Variants in TRIP12 observed in about 807,000 individuals in gnomAD.
The protein encoded by TRIP12 is E3 ubiquitin-protein ligase TRIP12.
Under a neutral mutation model 244.2 loss-of-function variants are expected in TRIP12, and 25 were observed. That is an observed-to-expected ratio of 0.10 (90% CI 0.07 to 0.14). The LOEUF is 0.14. Among genes scored for constraint, TRIP12 ranks in the 10% least tolerant of loss-of-function variants. The pLI is 1.00. For missense variants in TRIP12, 1,677 were observed against 2,486.4 expected (o/e 0.67, Z 6.92); for synonymous variants, 905 against 873.1 (o/e 1.04, Z -0.64).
intron 24 of TRIP12, 81 bp downstream of exon 24, chr2:229,797,609 A>G (rs954386419): frequency 1.2e-5 from 18 of 1,539,378 alleles, no homozygotes; most frequent in African/African-American, 4.1e-5. Context: ...ATAGGAAGCT[A>G]GAGAGTCATG....
chr2:229,800,317 A>G (rs2043945477), intron 21 of TRIP12, among the ~76,000 whole-genome samples: 2 of 152,220 alleles, frequency 1.3e-5, no homozygotes, highest in African/African-American at 4.8e-5. Context: ...TTGCAAAATT[A>G]AACACCTGTA....
intron 1 of TRIP12, among the ~76,000 whole-genome samples, chr2:229,899,036 T>C (rs2069796163): frequency 1.3e-5 from 2 of 152,222 alleles, no homozygotes; most frequent in Admixed American, 6.5e-5. Context: ...AAATGGTATA[T>C]TTTCTTTTCC....
At chr2:229,839,367 G>A (rs751562631) in intron 5 of TRIP12, among the ~76,000 whole-genome samples, 1 of 152,068 alleles carries the variant, frequency 6.6e-6, no homozygotes, top group African/African-American at 2.4e-5. Context: ...ATCTCAGAAC[G>A]TGTCCTCCTC....
At chr2:229,801,103 G>A (rs1415791053) in intron 21 of TRIP12, among the ~76,000 whole-genome samples, 1 of 152,166 alleles carries the variant, frequency 6.6e-6, no homozygotes, top group Non-Finnish European at 1.5e-5. Context: ...ATGGGGCTGG[G>A]AAGGAAGTAA....
intron 1 of TRIP12, among the ~76,000 whole-genome samples, chr2:229,920,773 G>C (rs370838618): frequency 6.6e-6 from 1 of 152,080 alleles, no homozygotes; most frequent in Non-Finnish European, 1.5e-5. Context: ...GGAAATGAAG[G>C]ATTTCTTATT....
intron 24 of TRIP12, 70 bp from the exon 25 acceptor site, chr2:229,796,852 C>G: frequency 7.3e-7 from 1 of 1,362,754 alleles, no homozygotes; most frequent in Admixed American, 2.6e-5. Context: ...ACTCACATAT[C>G]CTCAAAAGGA....
chr2:229,785,064 C>A (rs1187042387), intron 34 of TRIP12, among the ~76,000 whole-genome samples: 1 of 152,186 alleles, frequency 6.6e-6, no homozygotes, highest in Non-Finnish European at 1.5e-5. Flanking sequence ...TACTTTGGTG[C>A]ACCCATATAA....
chr2:229,787,212 T>C (rs1559395465), intron 33 of TRIP12, among the ~76,000 whole-genome samples: 2 of 152,108 alleles, frequency 1.3e-5, no homozygotes, highest in African/African-American at 2.4e-5. Context: ...ATGAAAAAAG[T>C]TTCAGTGAGA....
intron 29 of TRIP12, 123 bp from the exon 30 acceptor site, chr2:229,791,374 C>A: frequency 8.7e-7 from 1 of 1,144,470 alleles, no homozygotes; most frequent in Non-Finnish European, 1.2e-6. Flanking sequence ...CCTCTCTCTC[C>A]CTAGTGTGAA....
intron 39 of TRIP12, among the ~76,000 whole-genome samples, chr2:229,769,549 G>A (rs571277477): frequency 1.3e-5 from 2 of 152,078 alleles, no homozygotes; most frequent in East Asian, 3.9e-4. Flanking sequence ...CCCATCTGCA[G>A]GGACTTGGTT....
At position 229,771,586 on chromosome 2, in the gene TRIP12, T is replaced by A; in HGVS notation, c.5741A>T (p.Asp1914Val). ...TGATTCAAATCCATCTCTGAACGAA[T>A]CAAATTGCCTAGAAACGCCTTCATT... ...ALNEGVSRQF[D>V]SFRDGFESVF... Residue 1914 changes from aspartate (D) to valine (V), a missense_variant, in exon 39 of 42, where the codon GAT becomes GTT. By Grantham distance (152) the Asp-to-Val change is radical (BLOSUM62 -3). This residue lies in a region of TRIP12 where 171 missense variants were observed against 388.4 expected (regional missense o/e 0.44). Transcript: ENST00000675903. 1 of 1,614,042 alleles carries A rather than the reference T, an allele frequency of 6.2e-7. No individual in the cohort carries two copies. Among genetic ancestry groups the A allele is most frequent in the Non-Finnish European group, 8.5e-7 (1 of 1,179,960 alleles).
chr2:229,834,804 C>T (rs1292275276), intron 6 of TRIP12, among the ~76,000 whole-genome samples: 3 of 151,964 alleles, frequency 2.0e-5, no homozygotes, highest in African/African-American at 4.8e-5. Context: ...GCCTCTGACT[C>T]GTGGGAAAGC....
intron 4 of TRIP12, among the ~76,000 whole-genome samples, chr2:229,841,852 C>A (rs923013400): frequency 3.3e-5 from 5 of 152,226 alleles, no homozygotes; most frequent in African/African-American, 7.2e-5. Flanking sequence ...AAAAACAATT[C>A]TTTACTCCTT....
intron 9 of TRIP12, among the ~76,000 whole-genome samples, chr2:229,815,771 A>G (rs1227027662): frequency 6.6e-6 from 1 of 152,152 alleles, no homozygotes. Context: ...TCTAAAACAG[A>G]TAAGCACCAT....
chr2:229,844,426 GAAT>G (rs1213462608), intron 4 of TRIP12, among the ~76,000 whole-genome samples: 1 of 152,124 alleles, frequency 6.6e-6, no homozygotes, highest in Non-Finnish European at 1.5e-5. Context: ...ATAGACAACT[GAAT>G]AATAAATCTT....
At chr2:229,770,296 G>A (rs2033760430) in intron 39 of TRIP12, among the ~76,000 whole-genome samples, 1 of 152,140 alleles carries the variant, frequency 6.6e-6, no homozygotes, top group South Asian at 2.1e-4. Flanking sequence ...CTGTGATAGG[G>A]GTTATTCCAA....
rs2045185133 is a variant in TRIP12, at chr2:229,803,982, T to C, written c.2879+17A>G. The stretch of plus-strand genomic sequence containing the variant: ...ATTTGTATTTGTAAAATGTTTCTAC[T>C]ATTTTCATTAACACACCTTGAAACA... On this transcript the variant is annotated intron_variant, in intron 19 of 41. Coordinates refer to ENST00000675903, the MANE Select transcript of TRIP12 (RefSeq NM_001348323.3). 5 of 1,584,478 alleles carry C rather than the reference T, an allele frequency of 3.2e-6. No homozygotes were observed. The East Asian group carries it at 6.7e-5, about 21-fold the overall frequency.
At chr2:229,896,605 C>A (rs779020664) in intron 1 of TRIP12, among the ~76,000 whole-genome samples, 1 of 152,098 alleles carries the variant, frequency 6.6e-6, no homozygotes, top group African/African-American at 2.4e-5. Context: ...GAGCAAGACT[C>A]CGTCTCAAAA....
At chr2:229,800,166 T>C (rs757013677) in intron 21 of TRIP12, among the ~76,000 whole-genome samples, 4 of 152,320 alleles carry the variant, frequency 2.6e-5, no homozygotes, top group Middle Eastern at 3.4e-3. Context: ...GCCTCTAACA[T>C]ACTACCCAAA....
Sources: allele counts gnomAD v4.1 joint callset (sites outside exome capture counted in the v4.1 genomes callset), GRCh38; gene constraint gnomAD v4.1.1; regional missense constraint gnomAD v4.1.1; transcripts MANE v1.5; gene names NCBI Gene and HGNC (gene_info 2026-07-23, HGNC 2026-07-21).